Variants in FYTTD1 observed in about 807,000 individuals in gnomAD.
The protein encoded by FYTTD1 is UAP56-interacting factor.
FYTTD1 carries 22 observed loss-of-function variants against 40.9 expected under a neutral mutation model. That is an observed-to-expected ratio of 0.54 (90% CI 0.38 to 0.77). The LOEUF is 0.77. FYTTD1 is among the 30% of genes least tolerant of loss of function. The pLI, the probability that FYTTD1 is intolerant of heterozygous loss-of-function variation, is 0.00. For missense variants in FYTTD1, 351 were observed against 392.2 expected (o/e 0.90, Z 0.89); for synonymous variants, 140 against 137.9 (o/e 1.01, Z -0.10).
At chr3:197,776,447 A>G (rs536523112) in intron 6 of FYTTD1, among the ~76,000 whole-genome samples, 20 of 139,612 alleles carry the variant, frequency 1.4e-4, no homozygotes, top group Non-Finnish European at 2.2e-4. Context: ...CTGGTCTTGA[A>G]CTCCTGACCT....
In FYTTD1 at chr3:197,750,018, C is replaced by T; in HGVS notation, c.47C>T (p.Ser16Leu). The T allele has an allele frequency of 6.3e-7, 1 of 1,584,642 alleles. No homozygotes were observed. Among genetic ancestry groups the T allele is most frequent in the Non-Finnish European group, 8.6e-7 (1 of 1,167,070 alleles). Residue 16 changes from serine (S) to leucine (L), a missense_variant, in exon 1 of 9, where the codon TCG becomes TTG. Coordinates refer to ENST00000241502, the MANE Select transcript of FYTTD1 (RefSeq NM_032288.7). ...TRLVGATATS[S>L]PPPKARSNEN... ...TTGGTGGGAGCCACGGCGACTTCTT[C>T]GCCGCCGCCGAAGGCCCGCAGCAAT...
intron 2 of FYTTD1, among the ~76,000 whole-genome samples, chr3:197,759,817 T>TTGTTCTTCAGTGGTAGAACGTATAGAG (rs1560493784): frequency 2.6e-5 from 4 of 151,034 alleles, no homozygotes; most frequent in Non-Finnish European, 5.9e-5. Flanking sequence ...ACGTATAGAG[T>TTGTTCTTCAGTGGTAGAACGTATAGAG]TGTTCTTCAG....
intron 1 of FYTTD1, chr3:197,750,718 C>G (rs890844752): frequency 1.8e-5 from 18 of 985,358 alleles, no homozygotes; most frequent in Admixed American, 6.1e-5. Flanking sequence ...TGAGCGCTGC[C>G]TAGAAAAGCA....
At chr3:197,777,053 TCA>T in intron 7 of FYTTD1, 52 bp downstream of exon 7, 2 of 1,091,396 alleles carry the variant, frequency 1.8e-6, no homozygotes, top group Non-Finnish European at 2.8e-6. Context: ...TTACATGAGA[TCA>T]TAAGAAAGTA....
At chr3:197,758,332 A>G (rs77102049) in intron 2 of FYTTD1, among the ~76,000 whole-genome samples, 3,494 of 152,346 alleles carry the variant, frequency 0.023, 78 homozygotes, top group East Asian at 0.054. Context: ...ATGTTTATCA[A>G]ATATTTAACA....
intron 2 of FYTTD1, among the ~76,000 whole-genome samples, chr3:197,766,110 C>G (rs1313746690): frequency 6.6e-6 from 1 of 150,730 alleles, no homozygotes; most frequent in Non-Finnish European, 1.5e-5. Context: ...TTGCAGTGAG[C>G]TGAGATCATG....
At chr3:197,760,116 ATGTTCCTCAGTGGTAGAACTTATAGAG>A (rs1729334093) in intron 2 of FYTTD1, among the ~76,000 whole-genome samples, 1 of 147,842 alleles carries the variant, frequency 6.8e-6, no homozygotes, top group Admixed American at 6.7e-5. Flanking sequence ...AACGTATAGA[ATGTTCCTCAGTGGTAGAACTTATAGAG>A]TGTTCCTCTG....
At chr3:197,764,741 C>G (rs1324273673) in intron 2 of FYTTD1, among the ~76,000 whole-genome samples, 3 of 148,370 alleles carry the variant, frequency 2.0e-5, no homozygotes, top group Non-Finnish European at 3.0e-5. Context: ...GAGGCAACAC[C>G]TTGGATAAGA....
In FYTTD1 at chr3:197,784,211, C is replaced by G. The variant is rs1174814261; in HGVS notation, c.*2302C>G. The G allele has an allele frequency of 6.6e-6, 1 of 152,340 alleles. No homozygotes were observed. The highest frequency in any genetic ancestry group is 1.5e-5 in the Non-Finnish European group (1 of 67,966). 9.4% of individuals were successfully genotyped at this position (152,340 alleles called of 1,614,324 possible). ...TAACGAGGAGGTGCTTTACACTGTA[C>G]TTTTTGGTGTTTTTTGGAAAAGTTA... On this transcript the variant is annotated 3_prime_UTR_variant, in exon 9 of 9. Transcript: ENST00000241502.
chr3:197,774,511 A>G (rs193177049), intron 6 of FYTTD1, among the ~76,000 whole-genome samples: 1 of 151,184 alleles, frequency 6.6e-6, no homozygotes, highest in African/African-American at 2.4e-5. Context: ...CCTGAGCAGC[A>G]TAACTTGATT....
chr3:197,761,539 CTCAGTGGTAGAATGTATAGAGTGTTCT>C (rs1244640879), intron 2 of FYTTD1, among the ~76,000 whole-genome samples: 2 of 145,412 alleles, frequency 1.4e-5, no homozygotes, highest in Non-Finnish European at 3.0e-5. Flanking sequence ...AGAGTTGTTC[CTCAGTGGTAGAATGTATAGAGTGTTCT>C]TCAGTGGTAG....
intron 3 of FYTTD1, among the ~76,000 whole-genome samples, 162 bp downstream of exon 3, chr3:197,768,749 A>G (rs1320935125): frequency 6.6e-6 from 1 of 152,252 alleles, no homozygotes; most frequent in Non-Finnish European, 1.5e-5. Context: ...CCATTCATAA[A>G]GAATACCTAA....
rs1309549793 is a variant in FYTTD1, at chr3:197,768,499, A to G, written c.296A>G (p.Asn99Ser). The G allele has an allele frequency of 5.0e-6, 8 of 1,612,966 alleles. No individual in the cohort carries two copies. Among genetic ancestry groups the G allele is most frequent in the Non-Finnish European group, 6.8e-6 (8 of 1,179,158 alleles). The change falls in exon 3 of 9, where the codon AAT becomes AGT. Residue 99 changes from asparagine (N) to serine (S), a missense_variant. By Grantham distance (46) the Asn-to-Ser change is conservative (BLOSUM62 1). Transcript: ENST00000241502. The stretch of plus-strand genomic sequence containing the variant: ...GTAATGCCTGGAAAGAGACGTCCTA[A>G]TGGAGTTATCACTGGCCTTGCAGCT... ...GRVMPGKRRP[N>S]GVITGLAARK...
chr3:197,775,884 G>A (rs1307216551), intron 6 of FYTTD1, among the ~76,000 whole-genome samples: 2 of 152,176 alleles, frequency 1.3e-5, no homozygotes, highest in Non-Finnish European at 2.9e-5. Flanking sequence ...GAATCAACCT[G>A]TTAGACAAAG....
At chr3:197,769,876 C>G (rs1295011915) in intron 3 of FYTTD1, among the ~76,000 whole-genome samples, 1 of 152,090 alleles carries the variant, frequency 6.6e-6, no homozygotes, top group African/African-American at 2.4e-5. Context: ...CTCTCTGATT[C>G]TCTTGAGTTC....
At chr3:197,781,733 G>A in intron 8 of FYTTD1, 78 bp from the exon 9 acceptor site, 1 of 974,816 alleles carries the variant, frequency 1.0e-6, no homozygotes, top group East Asian at 2.5e-5. Context: ...TCACATTATT[G>A]TTCCAAAGCA....
rs751106503 is a variant in FYTTD1 at position 197,749,951 on chromosome 3, C to T, written c.-21C>T. The T allele has an allele frequency of 1.1e-4, 165 of 1,532,864 alleles. 1 individual carries two copies. Among genetic ancestry groups the T allele is most frequent in the Non-Finnish European group, 1.4e-4 (157 of 1,132,514 alleles). The allele number at this position is 1,532,864 out of a possible 1,614,324, so 95.0% of individuals were successfully genotyped here. A position where few individuals can be genotyped will look rare whatever the true frequency, so the allele number is the denominator to read the frequency against. On this transcript the variant is annotated 5_prime_UTR_variant, in exon 1 of 9. Coordinates refer to ENST00000241502, the MANE Select transcript of FYTTD1 (RefSeq NM_032288.7). Reference sequence around the variant, plus strand: ...GACTCCGGCCTTGTCCGCGCCCGCTCTCGGCGCGACGTCTCCAGCCATGAA... The same window carrying T: ...GACTCCGGCCTTGTCCGCGCCCGCTTTCGGCGCGACGTCTCCAGCCATGAA...
chr3:197,754,102 T>C (rs1442593903), intron 1 of FYTTD1, among the ~76,000 whole-genome samples: 5 of 152,198 alleles, frequency 3.3e-5, no homozygotes, highest in African/African-American at 1.2e-4. Flanking sequence ...TTTTTTTTAA[T>C]GCTCCCCAGA....
chr3:197,776,970 A>G lies in FYTTD1; in HGVS notation c.700A>G (p.Ile234Val), dbSNP rs771710665. 21 of 1,612,194 alleles carry G rather than the reference A, an allele frequency of 1.3e-5. No individual in the cohort carries two copies. Among genetic ancestry groups the G allele is most frequent in the South Asian group, 7.7e-5 (7 of 90,776 alleles). ...TTNGGILTVS[I>V]DNPGAVQCPV... ...AAATGGAGGGATTTTGACTGTATCT[A>G]TTGACAATCCTGGAGCAGTGCAATG... The change falls in exon 7 of 9, where the codon ATT becomes GTT. Residue 234 changes from isoleucine to valine, a missense_variant. Ile to Val is a conservative substitution (Grantham distance 29). Coordinates refer to ENST00000241502, the MANE Select transcript of FYTTD1 (RefSeq NM_032288.7).
Sources: gnomAD v4.1 joint callset for allele counts (sites outside exome capture counted in the v4.1 genomes callset) on GRCh38, gnomAD v4.1.1 for gene constraint, MANE v1.5 for transcripts, NCBI Gene and HGNC (gene_info 2026-07-23, HGNC 2026-07-21) for gene names.